ZNF208: variants seen among roughly 807,000 people sequenced by gnomAD.
The protein encoded by ZNF208 is zinc finger protein 95.
A neutral mutation model predicts 12.1 loss-of-function variants in ZNF208; 10 were observed. That is an observed-to-expected ratio of 0.83 (90% CI 0.51 to 1.40). The LOEUF is 1.40. Ranked by LOEUF, ZNF208 falls within the 40% of genes most tolerant of loss-of-function variation. ZNF208 has a pLI of 0.00. For missense variants in ZNF208, 1,652 were observed against 1,485.0 expected, an observed-to-expected ratio of 1.11 and a Z score of -1.85; for synonymous variants, 497 against 488.4, an observed-to-expected ratio of 1.02 and a Z score of -0.23.
intron 1 of ZNF208, among the ~76,000 whole-genome samples, chr19:22,006,560 A>G (rs991260181): frequency 1.3e-5 from 2 of 152,112 alleles, no homozygotes; most frequent in African/African-American, 4.8e-5. Flanking sequence ...CCAGCTTTCC[A>G]GGGCTCTGTA....
At chr19:21,982,792 G>C (rs945169324) in intron 3 of ZNF208, among the ~76,000 whole-genome samples, 4 of 152,110 alleles carry the variant, frequency 2.6e-5, no homozygotes, top group Non-Finnish European at 5.9e-5. Flanking sequence ...AAATGGTGTT[G>C]AAAAAACTGG....
chr19:22,001,907 A>G (rs928845096), intron 1 of ZNF208, among the ~76,000 whole-genome samples: 1 of 141,494 alleles, frequency 7.1e-6, no homozygotes, highest in Non-Finnish European at 1.5e-5. Context: ...AAAAAAAAAA[A>G]AAAAAAAAAA....
chr19:21,990,977 G>C (rs1324199749), intron 1 of ZNF208, among the ~76,000 whole-genome samples: 2 of 152,224 alleles, frequency 1.3e-5, no homozygotes, highest in Non-Finnish European at 2.9e-5. Context: ...CTTTGTCGAA[G>C]TTGCTTATCA....
intron 3 of ZNF208, among the ~76,000 whole-genome samples, chr19:21,985,082 G>A (rs1970611222): frequency 6.6e-6 from 1 of 152,002 alleles, no homozygotes; most frequent in Non-Finnish European, 1.5e-5. Flanking sequence ...TAAAAAAGCA[G>A]AAAATATTCT....
Position 21,970,671 on chromosome 19 carries a change from G to T in ZNF208, c.*520C>A. On this transcript the variant is annotated 3_prime_UTR_variant, in exon 4 of 4. Transcript: ENST00000397126. ...GGTTTGAGGACTGGTTGAAGCCTTTGCCACATTCTTCTCATTTGTAGAGTT... is the reference window on the plus strand; with the variant it reads ...GGTTTGAGGACTGGTTGAAGCCTTTTCCACATTCTTCTCATTTGTAGAGTT... 1 of 1,075,662 alleles carries T rather than the reference G, an allele frequency of 9.3e-7. No individual in the cohort carries two copies. The highest frequency in any genetic ancestry group is 1.4e-6 in the Non-Finnish European group (1 of 708,316). 66.6% of individuals were successfully genotyped at this position (1,075,662 alleles called of 1,614,324 possible). A position where few individuals can be genotyped will look rare whatever the true frequency, so the allele number is the denominator to read the frequency against.
chr19:21,962,925 C>T (rs11882234), downstream of ZNF208, among the ~76,000 whole-genome samples: 24,495 of 151,874 alleles, frequency 0.16, 2,144 homozygotes, highest in Middle Eastern at 0.2. Flanking sequence ...GTTAATTTGT[C>T]AATAGAAACA....
chr19:21,957,104 A>G (rs1568436196), intron 4 of ZNF208, among the ~76,000 whole-genome samples: 1 of 152,182 alleles, frequency 6.6e-6, no homozygotes, highest in African/African-American at 2.4e-5. Context: ...CAGTGGCACA[A>G]TCTCAGCTCA....
Position 21,973,196 on chromosome 19 carries a change from T to C in ZNF208, c.1838A>G (p.Glu613Gly), listed in dbSNP as rs1970343908. ...HTGEKPYKCE[E>G]CGKTFSKVST... Reference sequence around the variant, plus strand: ...GACCTTACTAAAGGTTTTGCCACATTCTTCACATTTGTAGGGTTTCTCACC... The same window carrying C: ...GACCTTACTAAAGGTTTTGCCACATCCTTCACATTTGTAGGGTTTCTCACC... Residue 613 changes from glutamate to glycine, a missense_variant, in exon 4 of 4, where the codon GAA becomes GGA. Glu to Gly is a moderately conservative substitution (Grantham distance 98). Coordinates refer to ENST00000397126, the MANE Select transcript of ZNF208 (RefSeq NM_007153.3). 6.2e-7 allele frequency: 1 copy of C among 1,613,608 alleles called. No individual in the cohort carries two copies.
chr19:21,964,463 A>G (rs1415684674), downstream of ZNF208, among the ~76,000 whole-genome samples: 6 of 151,742 alleles, frequency 4.0e-5, no homozygotes, highest in African/African-American at 2.4e-5. Flanking sequence ...ATTTTAATAT[A>G]TATTTTTAAA....
intron 3 of ZNF208, among the ~76,000 whole-genome samples, chr19:21,978,061 C>A (rs1970466008): frequency 6.6e-6 from 1 of 152,272 alleles, no homozygotes; most frequent in South Asian, 2.1e-4. Flanking sequence ...GAAAAAAATG[C>A]AGCAGCCACA....
At chr19:22,000,373 C>T (rs1442618029) in intron 1 of ZNF208, among the ~76,000 whole-genome samples, 2 of 152,012 alleles carry the variant, frequency 1.3e-5, no homozygotes, top group Non-Finnish European at 2.9e-5. Context: ...CAGATTACAG[C>T]TTAAGAAAAA....
At position 21,972,230 on chromosome 19, in the gene ZNF208, T is replaced by C. The variant is rs941500457; in HGVS notation, c.2804A>G (p.His935Arg). The change falls in exon 4 of 4, where the codon CAT (histidine) becomes CGT (arginine). Residue 935 changes from histidine to arginine, a missense_variant. His to Arg is a conservative substitution (Grantham distance 29). This residue lies in a region of ZNF208 where 1,239 missense variants were observed against 1,086.2 expected (regional missense o/e 1.14). Transcript: ENST00000397126. ...TTTCTCTCCAGCATGAGTTTTCTTATGTTTACTAAAGACTGACAACCAGCT... is the reference window on the plus strand; with the variant it reads ...TTTCTCTCCAGCATGAGTTTTCTTACGTTTACTAAAGACTGACAACCAGCT... ...AFSWLSVFSK[H>R]KKTHAGEKFY... 1.7e-5 allele frequency: 27 copies of C among 1,613,594 alleles called. No individual in the cohort carries two copies. Among genetic ancestry groups the C allele is most frequent in the Non-Finnish European group, 2.3e-5 (27 of 1,179,924 alleles).
intron 4 of ZNF208, among the ~76,000 whole-genome samples, chr19:21,944,541 T>C (rs1180835470): frequency 1.7e-4 from 26 of 152,188 alleles, no homozygotes; most frequent in Admixed American, 1.7e-3. Context: ...TATTCTTAAA[T>C]ATATACTATA....
Position 22,005,400 on chromosome 19 carries a change from T to G in ZNF208, c.3+5392A>C, listed in dbSNP as rs143616122. 6.1e-3 allele frequency among the ~76,000 whole-genome samples: 927 copies of G among 152,164 alleles called. 9 individuals are homozygous for G. The highest frequency in any genetic ancestry group is 0.021 in the African/African-American group (877 of 41,510). ...AGTGTGACAGCCTGTGTAGAGGAGA[T>G]CAGAGCTTCCCATTCCCAGACACCC... On this transcript the variant is annotated intron_variant, in intron 1 of 3. Coordinates refer to ENST00000397126, the MANE Select transcript of ZNF208 (RefSeq NM_007153.3).
At chr19:21,999,743 G>A (rs1970909323) in intron 1 of ZNF208, among the ~76,000 whole-genome samples, 1 of 151,754 alleles carries the variant, frequency 6.6e-6, no homozygotes. Context: ...ACAATTCTGA[G>A]TCAAAAAGAA....
Position 21,973,289 on chromosome 19 carries a change from T to A in ZNF208, c.1745A>T (p.Lys582Ile), listed in dbSNP as rs1266973247. ...KKIHTVEKPYKCEECGKAFNQ... is the reference protein window; with the variant it reads ...KKIHTVEKPYICEECGKAFNQ... ...AAAAGCTTTGCCACATTCTTCACAT[T>A]TGTAGGGTTTCTCTACAGTATGAAT... is the stretch of plus-strand genomic sequence containing the variant. The change falls in exon 4 of 4, where the codon AAA becomes ATA. Residue 582 changes from lysine to isoleucine, a missense_variant. Lys to Ile is a moderately radical substitution (Grantham distance 102). Transcript: ENST00000397126. 1 of 1,611,078 alleles carries A rather than the reference T, an allele frequency of 6.2e-7. No homozygotes were observed. The highest frequency in any genetic ancestry group is 8.5e-7 in the Non-Finnish European group (1 of 1,178,552).
intron 1 of ZNF208, among the ~76,000 whole-genome samples, chr19:22,007,645 GCC>G (rs934826069): frequency 1.3e-5 from 2 of 149,882 alleles, no homozygotes; most frequent in African/African-American, 2.5e-5. Context: ...CTTTTTTTAT[GCC>G]CTTTGTAAAT....
At chr19:21,976,525 G>T (rs1009176897) in intron 3 of ZNF208, among the ~76,000 whole-genome samples, 1 of 152,136 alleles carries the variant, frequency 6.6e-6, no homozygotes, top group South Asian at 2.1e-4. Context: ...TATATGGAAA[G>T]TTAACTTTCA....
In ZNF208 at chr19:21,972,590, C is replaced by T. The variant is rs766989452; in HGVS notation, c.2444G>A (p.Ser815Asn). The change falls in exon 4 of 4, where the codon AGT becomes AAT. Residue 815 changes from serine to asparagine, a missense_variant. Physicochemically the swap from Ser to Asn is conservative, Grantham distance 46. Coordinates refer to ENST00000397126, the MANE Select transcript of ZNF208 (RefSeq NM_007153.3). ...YKCEECGKTF[S>N]KVSTLTTHKA... The stretch of plus-strand genomic sequence containing the variant: ...ATGTGTAGTAAGGGTTGAGACCTTA[C>T]TAAAGGTTTTGCCACATTCTTCACA... The T allele has an allele frequency of 1.2e-6, 2 of 1,612,226 alleles. No individual in the cohort carries two copies. Among genetic ancestry groups the T allele is most frequent in the Non-Finnish European group, 1.7e-6 (2 of 1,179,508 alleles).
Sources: allele counts gnomAD v4.1 joint callset (sites outside exome capture counted in the v4.1 genomes callset), GRCh38; gene constraint gnomAD v4.1.1; regional missense constraint gnomAD v4.1.1; transcripts MANE v1.5; gene names NCBI Gene and HGNC (gene_info 2026-07-23, HGNC 2026-07-21).